Variants in TMEM117 observed in about 807,000 individuals in gnomAD.
TMEM117 encodes transmembrane protein 117.
Under a neutral mutation model 52.4 loss-of-function variants are expected in TMEM117, and 27 were observed. The observed-to-expected ratio is 0.51, with a 90% CI of 0.38 to 0.71. TMEM117 has a LOEUF of 0.71. TMEM117 is among the 30% of genes least tolerant of loss of function. TMEM117 has a pLI of 0.00. For missense variants in TMEM117, 556 were observed against 630.5 expected, an observed-to-expected ratio of 0.88 and a Z score of 1.26; for synonymous variants, 215 against 206.3, an observed-to-expected ratio of 1.04 and a Z score of -0.36.
At chr12:43,845,688 C>G (rs931343460) in intron 2 of TMEM117, among the ~76,000 whole-genome samples, 1 of 150,812 alleles carries the variant, frequency 6.6e-6, no homozygotes, top group Non-Finnish European at 1.5e-5. Flanking sequence ...GCTATCCCTC[C>G]CCCCTCCCCC....
At chr12:43,893,620 C>T (rs1944147101) in intron 2 of TMEM117, among the ~76,000 whole-genome samples, 1 of 152,130 alleles carries the variant, frequency 6.6e-6, no homozygotes, top group African/African-American at 2.4e-5. Context: ...TCACAATCTC[C>T]TTTAGCCATT....
chr12:44,351,183 T>C (rs1412120096), intron 6 of TMEM117, among the ~76,000 whole-genome samples: 1 of 152,080 alleles, frequency 6.6e-6, no homozygotes, highest in East Asian at 1.9e-4. Flanking sequence ...TACAAATCTT[T>C]TGTCTATTTT....
intron 3 of TMEM117, among the ~76,000 whole-genome samples, chr12:43,993,451 C>T (rs1415001188): frequency 6.6e-6 from 1 of 152,118 alleles, no homozygotes; most frequent in African/African-American, 2.4e-5. Context: ...GGACAGATTA[C>T]ATAGATGTAA....
chr12:44,137,516 T>TCCATTTTCACGCTG (rs747618117), intron 3 of TMEM117, among the ~76,000 whole-genome samples: 18 of 152,090 alleles, frequency 1.2e-4, no homozygotes, highest in Non-Finnish European at 1.9e-4. Flanking sequence ...GTTGTCTTAG[T>TCCATTTTCACGCTG]CCATTTTCAC....
At chr12:43,938,078 A>G (rs977394034) in intron 2 of TMEM117, among the ~76,000 whole-genome samples, 1 of 151,844 alleles carries the variant, frequency 6.6e-6, no homozygotes, top group African/African-American at 2.4e-5. Context: ...GGGATTTTTT[A>G]TTAGGCAATG....
At chr12:44,193,743 C>T (rs1218707271) in intron 4 of TMEM117, among the ~76,000 whole-genome samples, 1 of 152,194 alleles carries the variant, frequency 6.6e-6, no homozygotes, top group East Asian at 1.9e-4. Flanking sequence ...CAAAGTCTCA[C>T]TACCTGTAGG....
At chr12:43,900,917 T>C (rs118143523) in intron 2 of TMEM117, among the ~76,000 whole-genome samples, 2,085 of 152,220 alleles carry the variant, frequency 0.014, 20 homozygotes, top group Non-Finnish European at 0.021. Context: ...TCGAAGACTC[T>C]TGACTAACCA....
chr12:43,993,979 G>T (rs1222936120), intron 3 of TMEM117, among the ~76,000 whole-genome samples: 9 of 152,166 alleles, frequency 5.9e-5, no homozygotes, highest in Non-Finnish European at 1.3e-4. Context: ...ATGGGTGTGA[G>T]CAACTGTGTC....
chr12:44,359,881 T>C (rs1324738747), intron 6 of TMEM117, among the ~76,000 whole-genome samples: 15 of 152,140 alleles, frequency 9.9e-5, no homozygotes, highest in African/African-American at 1.9e-4. Context: ...ATGTTAGCAA[T>C]TATTTTTGTC....
intron 3 of TMEM117, among the ~76,000 whole-genome samples, chr12:44,081,088 T>A (rs1012800756): frequency 1.6e-4 from 25 of 152,204 alleles, no homozygotes; most frequent in Admixed American, 5.2e-4. Context: ...AATTAAACTA[T>A]AGTATTATTT....
chr12:44,091,359 G>T (rs1219578852), intron 3 of TMEM117, among the ~76,000 whole-genome samples: 1 of 152,128 alleles, frequency 6.6e-6, no homozygotes, highest in East Asian at 1.9e-4. Context: ...CAACTTTCTT[G>T]TTGGCAGAAT....
chr12:44,278,139 T>C (rs183979452), intron 5 of TMEM117, among the ~76,000 whole-genome samples: 1 of 152,280 alleles, frequency 6.6e-6, no homozygotes, highest in Non-Finnish European at 1.5e-5. Flanking sequence ...GAACCCAAGG[T>C]TATCTGATTA....
chr12:44,268,342 C>T (rs190113059), intron 5 of TMEM117, among the ~76,000 whole-genome samples: 6 of 152,020 alleles, frequency 3.9e-5, no homozygotes, highest in Admixed American at 3.9e-4. Flanking sequence ...TGGGGTTTCA[C>T]CATGTTGCCC....
At chr12:43,825,897 C>T in the TMEM117 span, among the ~76,000 whole-genome samples, 2 of 152,162 alleles carry the variant, frequency 1.3e-5, no homozygotes, top group South Asian at 4.1e-4. Flanking sequence ...TTATGGCTGG[C>T]ACATCTCTTA....
chr12:44,238,713 T>A (rs1950028025), intron 5 of TMEM117, among the ~76,000 whole-genome samples: 1 of 152,158 alleles, frequency 6.6e-6, no homozygotes, highest in Non-Finnish European at 1.5e-5. Context: ...CGGGAATTCT[T>A]ATAGCATGTA....
chr12:44,282,665 A>G (rs1311188696), intron 5 of TMEM117, among the ~76,000 whole-genome samples: 2 of 152,256 alleles, frequency 1.3e-5, no homozygotes, highest in African/African-American at 4.8e-5. Flanking sequence ...GAAGCAGAGC[A>G]TAAAAGTTTG....
At chr12:43,808,835 AG>A in the TMEM117 span, among the ~76,000 whole-genome samples, 59 of 129,488 alleles carry the variant, frequency 4.6e-4, no homozygotes, top group Middle Eastern at 3.4e-3. Context: ...AAAAAAAAAA[AG>A]GAGCTACTAC....
intron 4 of TMEM117, among the ~76,000 whole-genome samples, chr12:44,163,721 A>G (rs1022167561): frequency 6.6e-6 from 1 of 152,188 alleles, no homozygotes; most frequent in African/African-American, 2.4e-5. Context: ...AAAATGTACT[A>G]ATTTTAAGAG....
At chr12:43,993,480 G>A (rs556404924) in intron 3 of TMEM117, among the ~76,000 whole-genome samples, 1 of 152,208 alleles carries the variant, frequency 6.6e-6, no homozygotes, top group East Asian at 1.9e-4. Context: ...TAAGCCTAAT[G>A]ATTGAGCACA....
Sources: gnomAD v4.1 joint callset for allele counts (sites outside exome capture counted in the v4.1 genomes callset) on GRCh38, gnomAD v4.1.1 for gene constraint, MANE v1.5 for transcripts, NCBI Gene and HGNC (gene_info 2026-07-23, HGNC 2026-07-21) for gene names.